ACAD11: variants seen among roughly 807,000 people sequenced by gnomAD.
The protein encoded by ACAD11 is acyl-Coenzyme A dehydrogenase family, member 11.
Under a neutral mutation model 102.2 loss-of-function variants are expected in ACAD11, and 83 were observed. That is an observed-to-expected ratio of 0.81 (90% CI 0.68 to 0.97). ACAD11 has a LOEUF of 0.97. Among genes scored for constraint, ACAD11 ranks in the 50% least tolerant of loss-of-function variants. The pLI is 0.00. For missense variants in ACAD11, 901 were observed against 951.7 expected (o/e 0.95, Z 0.70); for synonymous variants, 324 against 319.8 (o/e 1.01, Z -0.14).
chr3:132,603,129 G>C, intron 13 of ACAD11, 100 bp downstream of exon 13: 1 of 1,041,998 alleles, frequency 9.6e-7, no homozygotes. Flanking sequence ...AAAGAATTAT[G>C]ATCATGAAAC....
chr3:132,570,755 T>C (rs1937351478), intron 17 of ACAD11, among the ~76,000 whole-genome samples: 1 of 152,128 alleles, frequency 6.6e-6, no homozygotes, highest in Admixed American at 6.6e-5. Flanking sequence ...AGTGACAAAA[T>C]GTGGTATTTA....
intron 17 of ACAD11, among the ~76,000 whole-genome samples, chr3:132,567,473 A>G (rs1320365212): frequency 6.6e-6 from 1 of 152,164 alleles, no homozygotes; most frequent in Non-Finnish European, 1.5e-5. Flanking sequence ...ACAAAGAGAC[A>G]CTCGAGAAAC....
rs1241496629 is a variant in ACAD11, at chr3:132,630,515, G to T, written c.885C>A (p.Cys295Ter). ...MEELISIYCR[C>*]RGINSILPNW... ...TAGGAAGAATAGAATTAATTCCCCT[G>T]CAGCGGCAATATATTGAAATCAGTT... Residue 295 changes from cysteine to a stop codon, truncating the protein, a stop_gained, in exon 7 of 20, where the codon TGC becomes TGA. Transcript: ENST00000264990. LOFTEE classifies it high-confidence loss of function. The T allele has an allele frequency of 6.2e-7, 1 of 1,612,546 alleles. No homozygotes were observed. The highest frequency in any genetic ancestry group is 1.1e-5 in the South Asian group (1 of 90,842).
chr3:132,617,943 A>G (rs1576594627), intron 11 of ACAD11, among the ~76,000 whole-genome samples: 1 of 152,186 alleles, frequency 6.6e-6, no homozygotes, highest in Admixed American at 6.5e-5. Flanking sequence ...ATCACCTTAT[A>G]TAAGTTATTA....
rs1479443865 is a variant in ACAD11 at position 132,559,962 on chromosome 3, A to C, written c.2119-20T>G. The stretch of plus-strand genomic sequence containing the variant: ...TGCAATCTATATAAGCAAAATATGA[A>C]AAGAATGCTTCTTTCTTAGACTATA... On this transcript the variant is annotated intron_variant, in intron 18 of 19. Coordinates refer to ENST00000264990, the MANE Select transcript of ACAD11 (RefSeq NM_032169.5). 1 of 1,582,388 alleles carries C rather than the reference A, an allele frequency of 6.3e-7. No homozygotes were observed. The highest frequency in any genetic ancestry group is 1.3e-5 in the African/African-American group (1 of 74,228).
At chr3:132,634,707 T>C (rs375394262) in intron 5 of ACAD11, among the ~76,000 whole-genome samples, 2 of 152,152 alleles carry the variant, frequency 1.3e-5, no homozygotes, top group East Asian at 1.9e-4. Flanking sequence ...ACATATACAC[T>C]ATGGAATACT....
intron 9 of ACAD11, among the ~76,000 whole-genome samples, chr3:132,623,194 G>A (rs1939671251): frequency 6.6e-6 from 1 of 152,016 alleles, no homozygotes; most frequent in Admixed American, 6.6e-5. Context: ...TCTCACTATA[G>A]AAAATTTGAA....
chr3:132,628,661 A>T (rs569919311), intron 7 of ACAD11, among the ~76,000 whole-genome samples: 18 of 152,310 alleles, frequency 1.2e-4, no homozygotes, highest in African/African-American at 3.4e-4. Context: ...TCATCCTAAC[A>T]TAATTCTAAT....
At chr3:132,636,785 C>A (rs909928434) in intron 5 of ACAD11, among the ~76,000 whole-genome samples, 1 of 151,834 alleles carries the variant, frequency 6.6e-6, no homozygotes, top group African/African-American at 2.4e-5. Flanking sequence ...GTGTAGCGGA[C>A]GAAAATGTCT....
chr3:132,596,390 G>A (rs769860344), intron 13 of ACAD11, among the ~76,000 whole-genome samples: 12 of 152,074 alleles, frequency 7.9e-5, no homozygotes, highest in South Asian at 2.1e-4. Flanking sequence ...GTTTACCTGT[G>A]TAACAAACTT....
chr3:132,606,534 C>T (rs1328556556), intron 11 of ACAD11, among the ~76,000 whole-genome samples: 1 of 152,124 alleles, frequency 6.6e-6, no homozygotes, highest in Non-Finnish European at 1.5e-5. Context: ...ACTACACCAA[C>T]AAGAAAAATG....
intron 3 of ACAD11, 74 bp from the exon 4 acceptor site, chr3:132,642,207 CATTT>C (rs1940553634): frequency 5.9e-6 from 8 of 1,346,136 alleles, no homozygotes; most frequent in Non-Finnish European, 8.1e-6. Context: ...GAAAAACATT[CATTT>C]GTGAAACATA....
chr3:132,569,416 CA>C (rs530590601), intron 17 of ACAD11, among the ~76,000 whole-genome samples: 187 of 151,620 alleles, frequency 1.2e-3, no homozygotes, highest in Non-Finnish European at 2.4e-3. Flanking sequence ...CAGCAGTTTC[CA>C]AAAAAAACTA....
intron 1 of ACAD11, chr3:132,659,336 G>T (rs1937997567): frequency 2.2e-6 from 1 of 461,624 alleles, no homozygotes; most frequent in South Asian, 2.8e-5. Flanking sequence ...GAATCCTCAA[G>T]GGACATAAAT....
chr3:132,645,354 G>A (rs1411819969), intron 1 of ACAD11, among the ~76,000 whole-genome samples: 1 of 152,182 alleles, frequency 6.6e-6, no homozygotes. Context: ...CAAGGCTAGT[G>A]CGTGAGTTGA....
In ACAD11 at chr3:132,626,837, G is replaced by GA. The variant is rs758837502; in HGVS notation, c.1071-21dup. On this transcript the variant is annotated intron_variant, in intron 8 of 19. Coordinates refer to ENST00000264990, the MANE Select transcript of ACAD11 (RefSeq NM_032169.5). ...AAAGTTCTTTGCCAAAAGAAAAAAG[G>GA]AAAAAAAGGTTACAAAGATGTCCAA... 4.1e-5 allele frequency: 65 copies of GA among 1,587,630 alleles called. No homozygotes were observed. The South Asian group carries it at 7.2e-4, about 18-fold the overall frequency.
At chr3:132,584,357 T>C (rs961145113) in intron 13 of ACAD11, among the ~76,000 whole-genome samples, 1 of 152,176 alleles carries the variant, frequency 6.6e-6, no homozygotes, top group East Asian at 1.9e-4. Context: ...TTAAAGTCTG[T>C]TTTATCAGAG....
intron 15 of ACAD11, 47 bp from the exon 16 acceptor site, chr3:132,577,062 AAG>A: frequency 8.9e-7 from 1 of 1,119,480 alleles, no homozygotes; most frequent in Non-Finnish European, 1.3e-6. Flanking sequence ...TTGACTAAAA[AAG>A]AGTCACATAT....
intron 1 of ACAD11, among the ~76,000 whole-genome samples, chr3:132,656,583 T>G (rs1254874571): frequency 6.6e-6 from 1 of 151,650 alleles, no homozygotes; most frequent in Non-Finnish European, 1.5e-5. Context: ...AGCCTCTGCC[T>G]CCCAGGTTCA....
Sources: allele counts gnomAD v4.1 joint callset (sites outside exome capture counted in the v4.1 genomes callset), GRCh38; gene constraint gnomAD v4.1.1; transcripts MANE v1.5; gene names NCBI Gene and HGNC (gene_info 2026-07-23, HGNC 2026-07-21).